ZNF385D: variants seen among roughly 807,000 people sequenced by gnomAD.
ZNF385D encodes the protein zinc finger protein 385D.
A neutral mutation model predicts 35.8 loss-of-function variants in ZNF385D; 15 were observed. The observed-to-expected ratio is 0.42, with a 90% CI of 0.28 to 0.64. The LOEUF (loss-of-function observed/expected upper bound fraction) is 0.64, where lower values mean the gene tolerates loss of function less well. ZNF385D is among the 30% of genes least tolerant of loss of function. The pLI is 0.23. For missense variants in ZNF385D, 474 were observed against 494.6 expected, an observed-to-expected ratio of 0.96 and a Z score of 0.39; for synonymous variants, 212 against 186.8, an observed-to-expected ratio of 1.13 and a Z score of -1.10.
At chr3:21,786,980 G>C (rs539346904) in intron 3 of ZNF385D, among the ~76,000 whole-genome samples, 1 of 152,220 alleles carries the variant, frequency 6.6e-6, no homozygotes. Context: ...AATTGAACAC[G>C]TGTTTATCTT....
chr3:21,676,792 TA>T (rs1351103624), intron 1 of ZNF385D, among the ~76,000 whole-genome samples: 1 of 70,780 alleles, frequency 1.4e-5, no homozygotes, highest in Non-Finnish European at 3.4e-5. Context: ...AGCCCATATG[TA>T]TTTTTTTTTT....
intron 2 of ZNF385D, among the ~76,000 whole-genome samples, chr3:22,192,978 T>C (rs1696161212): frequency 6.6e-6 from 1 of 152,194 alleles, no homozygotes; most frequent in South Asian, 2.1e-4. Context: ...CAAAGGTCTA[T>C]TTAATACCAA....
chr3:22,263,984 T>C (rs1016097584), intron 2 of ZNF385D, among the ~76,000 whole-genome samples: 19 of 152,016 alleles, frequency 1.2e-4, no homozygotes, highest in African/African-American at 4.6e-4. Context: ...GAAATCACTT[T>C]CTTTCCCTGC....
chr3:21,424,476 G>T lies in ZNF385D; in HGVS notation c.853-412C>A, dbSNP rs1700916471. Among the ~76,000 whole-genome samples, 3 of 149,598 alleles carry T rather than the reference G, an allele frequency of 2.0e-5. No individual in the cohort carries two copies. In the Admixed American group the frequency reaches 2.0e-4, roughly 10 times the overall value. ...CTACAGGTGCCCACCACCATGCCCAGCTAATTCTTTGTATTTTTAGTAGAG... is the reference window on the plus strand; with the variant it reads ...CTACAGGTGCCCACCACCATGCCCATCTAATTCTTTGTATTTTTAGTAGAG... On this transcript the variant is annotated intron_variant, in intron 6 of 7. Transcript: ENST00000281523.
chr3:21,962,247 G>A (rs1432570489), intron 3 of ZNF385D, among the ~76,000 whole-genome samples: 1 of 152,104 alleles, frequency 6.6e-6, no homozygotes, highest in Non-Finnish European at 1.5e-5. Context: ...GAGAAATGAA[G>A]ATTTCAGAGG....
chr3:21,661,117 C>T (rs527716538), intron 2 of ZNF385D, among the ~76,000 whole-genome samples: 3 of 152,150 alleles, frequency 2.0e-5, no homozygotes, highest in Non-Finnish European at 4.4e-5. Context: ...CGGAAAAAAA[C>T]GAGAGCTAGC....
At chr3:21,668,264 A>G (rs538958443) in intron 1 of ZNF385D, among the ~76,000 whole-genome samples, 2 of 152,276 alleles carry the variant, frequency 1.3e-5, no homozygotes, top group East Asian at 1.9e-4. Flanking sequence ...GATAGCCCCA[A>G]GCAATGACTG....
At chr3:22,208,952 C>A (rs1172686083) in intron 2 of ZNF385D, among the ~76,000 whole-genome samples, 1 of 151,738 alleles carries the variant, frequency 6.6e-6, no homozygotes, top group Non-Finnish European at 1.5e-5. Context: ...ATGTTTGTTG[C>A]CAGTTTATAT....
At chr3:21,690,144 CTAAA>C (rs1286004039) in intron 1 of ZNF385D, among the ~76,000 whole-genome samples, 14 of 152,164 alleles carry the variant, frequency 9.2e-5, no homozygotes, top group East Asian at 3.9e-4. Flanking sequence ...CTTGTTCTCA[CTAAA>C]TAAATATAAT....
intron 3 of ZNF385D, among the ~76,000 whole-genome samples, chr3:22,139,110 A>T (rs1460714001): frequency 6.6e-6 from 1 of 152,160 alleles, no homozygotes; most frequent in East Asian, 1.9e-4. Flanking sequence ...AAAAGTCAGG[A>T]AACAACAGGT....
chr3:21,922,450 A>C (rs577719197), intron 3 of ZNF385D, among the ~76,000 whole-genome samples: 3 of 152,218 alleles, frequency 2.0e-5, no homozygotes, highest in Non-Finnish European at 4.4e-5. Context: ...TACATATACC[A>C]ATGGAACAGA....
Position 21,449,384 on chromosome 3 carries a change from T to A in ZNF385D, c.440-12181A>T, listed in dbSNP as rs140018350. Among the ~76,000 whole-genome samples the A allele has an allele frequency of 1.1e-3, 165 of 152,290 alleles. 2 individuals carry two copies. In the East Asian group the frequency reaches 0.026, roughly 24 times the overall value. ...GGGATCTTGTTACGTAAGAGTTAAA[T>A]CACAACATCGTATTGGAGCCCATTT... On this transcript the variant is annotated intron_variant, in intron 4 of 7. Transcript: ENST00000281523.
chr3:21,834,027 T>A (rs1208432449), intron 3 of ZNF385D, among the ~76,000 whole-genome samples: 3 of 152,138 alleles, frequency 2.0e-5, no homozygotes, highest in South Asian at 2.1e-4. Flanking sequence ...ACTAAATTAA[T>A]ACACGTAAAA....
chr3:22,315,429 G>T (rs1232255201), intron 2 of ZNF385D, among the ~76,000 whole-genome samples: 1 of 152,186 alleles, frequency 6.6e-6, no homozygotes, highest in Non-Finnish European at 1.5e-5. Flanking sequence ...CTTGGAAGAG[G>T]ATGAGCTACG....
intron 3 of ZNF385D, among the ~76,000 whole-genome samples, chr3:21,547,489 G>A (rs1476699621): frequency 1.3e-5 from 2 of 152,044 alleles, no homozygotes; most frequent in Admixed American, 1.3e-4. Context: ...CTTCTGCTGG[G>A]ACCCCTTAGG....
intron 1 of ZNF385D, among the ~76,000 whole-genome samples, chr3:21,682,366 T>G (rs1391394175): frequency 6.7e-6 from 1 of 150,120 alleles, no homozygotes; most frequent in East Asian, 2.0e-4. Flanking sequence ...AGGGGAAAGC[T>G]AAAGGTACTG....
intron 2 of ZNF385D, among the ~76,000 whole-genome samples, chr3:22,328,620 G>A (rs1195318854): frequency 2.0e-5 from 3 of 151,284 alleles, no homozygotes; most frequent in African/African-American, 2.4e-5. Flanking sequence ...AAAATTAGCT[G>A]GGCATGGTGG....
At chr3:21,426,729 G>C (rs1330050415) in intron 5 of ZNF385D, among the ~76,000 whole-genome samples, 1 of 152,034 alleles carries the variant, frequency 6.6e-6, no homozygotes, top group Non-Finnish European at 1.5e-5. Flanking sequence ...CTGAGTTACA[G>C]GCCAGCTTCC....
At chr3:22,081,379 T>G (rs1402711835) in intron 3 of ZNF385D, among the ~76,000 whole-genome samples, 1 of 152,168 alleles carries the variant, frequency 6.6e-6, no homozygotes, top group African/African-American at 2.4e-5. Context: ...CTCCATGTCC[T>G]AAAAAAGATC....
Sources: allele counts gnomAD v4.1 joint callset (sites outside exome capture counted in the v4.1 genomes callset), GRCh38; gene constraint gnomAD v4.1.1; transcripts MANE v1.5; gene names NCBI Gene and HGNC (gene_info 2026-07-23, HGNC 2026-07-21).